Variants in EYS observed in about 807,000 individuals in gnomAD.
EYS encodes the protein protein eyes shut homolog.
EYS carries 250 observed loss-of-function variants against 282.1 expected under a neutral mutation model. The ratio of observed to expected loss-of-function variants is 0.89; its 90% CI spans 0.80 to 0.98. The LOEUF (loss-of-function observed/expected upper bound fraction) is 0.98. Ranked by LOEUF, EYS falls within the 50% of genes least tolerant of loss-of-function variation. The probability of loss-of-function intolerance (pLI) is 0.00; values close to 1 mark genes in which losing one functional copy is unlikely to be tolerated. For synonymous variants in EYS, 1,355 were observed against 1,282.9 expected, an observed-to-expected ratio of 1.06 and a Z score of -1.20; for missense variants, 4,016 against 3,709.0, an observed-to-expected ratio of 1.08 and a Z score of -2.15.
chr6:64,814,488 C>T (rs896460977), intron 21 of EYS, among the ~76,000 whole-genome samples: 1 of 151,988 alleles, frequency 6.6e-6, no homozygotes, highest in Non-Finnish European at 1.5e-5. Flanking sequence ...CTATTTCAAT[C>T]TTTTGGCACT....
intron 35 of EYS, among the ~76,000 whole-genome samples, chr6:63,960,765 T>C (rs1658027893): frequency 6.6e-6 from 1 of 152,258 alleles, no homozygotes; most frequent in African/African-American, 2.4e-5. Flanking sequence ...TAAAGTATTT[T>C]TAAATTAAGG....
intron 2 of EYS, among the ~76,000 whole-genome samples, chr6:65,506,645 G>GC (rs1766671307): frequency 8.6e-6 from 1 of 115,900 alleles, no homozygotes; most frequent in Admixed American, 9.3e-5. Context: ...ACCAGACTAT[G>GC]AATTTTTTTT....
At position 63,720,729 on chromosome 6, in the gene EYS, T is replaced by G; in HGVS notation, c.9302A>C (p.Gln3101Pro). Reference protein sequence around the residue: ...EYGRKVNIVTQEIFKTNFVGK... With the variant: ...EYGRKVNIVTPEIFKTNFVGK... Reference sequence around the variant, plus strand: ...AACAAAATTGGTTTTAAAAATCTCTTGAGTAACGATATTTACCTTTCTACC... The same window carrying G: ...AACAAAATTGGTTTTAAAAATCTCTGGAGTAACGATATTTACCTTTCTACC... Residue 3101 changes from glutamine (Q) to proline (P), a missense_variant, in exon 43 of 43, where the codon CAA becomes CCA. Coordinates refer to ENST00000503581, the MANE Select transcript of EYS (RefSeq NM_001142800.2). 1 of 1,549,284 alleles carries G rather than the reference T, an allele frequency of 6.5e-7. No individual in the cohort carries two copies. The highest frequency in any genetic ancestry group is 8.7e-7 in the Non-Finnish European group (1 of 1,145,896).
intron 19 of EYS, among the ~76,000 whole-genome samples, chr6:64,861,894 A>G (rs1032022087): frequency 2.0e-5 from 3 of 152,150 alleles, no homozygotes; most frequent in Non-Finnish European, 4.4e-5. Flanking sequence ...TTGGTTTCTG[A>G]CCATGCTTCT....
At chr6:63,747,079 A>G (rs1268477787) in intron 41 of EYS, among the ~76,000 whole-genome samples, 1 of 152,186 alleles carries the variant, frequency 6.6e-6, no homozygotes, top group Non-Finnish European at 1.5e-5. Flanking sequence ...TAGTGCTATA[A>G]ATTTCCCTCT....
intron 22 of EYS, among the ~76,000 whole-genome samples, chr6:64,723,309 C>A (rs982364687): frequency 2.6e-5 from 4 of 152,032 alleles, no homozygotes; most frequent in African/African-American, 9.7e-5. Flanking sequence ...AGAAGAAACC[C>A]AACAGTAGGA....
chr6:65,201,578 T>G (rs1012222269), intron 12 of EYS, among the ~76,000 whole-genome samples: 8 of 152,184 alleles, frequency 5.3e-5, no homozygotes, highest in African/African-American at 1.9e-4. Context: ...TATAACTAAT[T>G]ATTATCCATT....
chr6:65,148,380 A>G (rs6935817), intron 12 of EYS, among the ~76,000 whole-genome samples: 4,285 of 152,188 alleles, frequency 0.028, 156 homozygotes, highest in African/African-American at 0.085. Flanking sequence ...CTGAAATCCA[A>G]TAGAACAGAC....
chr6:63,891,387 G>A (rs559841583), intron 35 of EYS, among the ~76,000 whole-genome samples: 8 of 151,254 alleles, frequency 5.3e-5, no homozygotes, highest in Admixed American at 4.0e-4. Flanking sequence ...GCTTATCCAC[G>A]ACCATCAAGT....
intron 16 of EYS, 21 bp from the exon 17 acceptor site, chr6:64,902,521 G>A (rs943531613): frequency 5.9e-5 from 82 of 1,380,462 alleles, no homozygotes; most frequent in Non-Finnish European, 7.9e-5. Context: ...TATGAGATGA[G>A]TATGGATGAG....
At chr6:65,660,035 G>C (rs1200772507) in intron 1 of EYS, among the ~76,000 whole-genome samples, 1 of 151,652 alleles carries the variant, frequency 6.6e-6, no homozygotes, top group African/African-American at 2.4e-5. Context: ...AGGACTGGCT[G>C]TATAAATGAC....
At chr6:63,968,178 A>G (rs115109697) in intron 35 of EYS, among the ~76,000 whole-genome samples, 5,075 of 152,248 alleles carry the variant, frequency 0.033, 247 homozygotes, top group African/African-American at 0.11. Context: ...GGCTATTTTA[A>G]TTTGACATTT....
At chr6:64,882,096 A>G (rs907274964) in intron 19 of EYS, among the ~76,000 whole-genome samples, 1 of 151,774 alleles carries the variant, frequency 6.6e-6, no homozygotes, top group Admixed American at 6.6e-5. Flanking sequence ...CAGCTTGGAC[A>G]TAGTAAGCAA....
intron 1 of EYS, among the ~76,000 whole-genome samples, chr6:65,681,259 T>C (rs141011082): frequency 1.8e-3 from 268 of 152,128 alleles, no homozygotes; most frequent in African/African-American, 6.3e-3. Context: ...CCTTGGTCTA[T>C]CTGGCAACCA....
At chr6:64,777,274 A>C (rs924443619) in intron 22 of EYS, among the ~76,000 whole-genome samples, 8 of 152,182 alleles carry the variant, frequency 5.3e-5, no homozygotes, top group Non-Finnish European at 1.2e-4. Flanking sequence ...TGGAAACTCT[A>C]GTTTATAGAT....
intron 30 of EYS, among the ~76,000 whole-genome samples, chr6:64,285,372 C>A (rs1768460844): frequency 6.6e-6 from 1 of 152,210 alleles, no homozygotes. Context: ...TGCCGCCAGT[C>A]TCTTTGATAA....
At chr6:65,200,063 C>T (rs546326577) in intron 12 of EYS, among the ~76,000 whole-genome samples, 62 of 152,016 alleles carry the variant, frequency 4.1e-4, no homozygotes, top group Non-Finnish European at 6.0e-4. Flanking sequence ...TGGCTCAAGA[C>T]GATAACAGTG....
At chr6:64,228,560 A>G (rs1050940619) in intron 31 of EYS, among the ~76,000 whole-genome samples, 3 of 152,198 alleles carry the variant, frequency 2.0e-5, no homozygotes, top group Non-Finnish European at 4.4e-5. Context: ...GAAATACTCT[A>G]TAGATTACTT....
Position 64,618,147 on chromosome 6 carries a change from T to C in EYS, c.3569-614A>G, listed in dbSNP as rs745931264. On this transcript the variant is annotated intron_variant, in intron 23 of 42. Transcript: ENST00000503581. ...TTTCCAGACCAAAACACAGTTTGATTGTATGTATTTTGTTTGGCTTTTGCT... is the reference window on the plus strand; with the variant it reads ...TTTCCAGACCAAAACACAGTTTGATCGTATGTATTTTGTTTGGCTTTTGCT... 5.9e-5 allele frequency among the ~76,000 whole-genome samples: 9 copies of C among 152,282 alleles called. No individual in the cohort carries two copies. In the South Asian group the frequency reaches 1.4e-3, roughly 25 times the overall value.
Sources: gnomAD v4.1 joint callset for allele counts (sites outside exome capture counted in the v4.1 genomes callset) on GRCh38, gnomAD v4.1.1 for gene constraint, MANE v1.5 for transcripts, NCBI Gene and HGNC (gene_info 2026-07-23, HGNC 2026-07-21) for gene names.